The following CA10 variants were observed in gnomAD, a reference collection of about 807,000 sequenced individuals.
CA10 encodes carbonic anhydrase 10 (inactive), also known as carbonic anhydrase-related protein 10.
CA10 carries 14 observed loss-of-function variants against 44.2 expected under a neutral mutation model. That is an observed-to-expected ratio of 0.32 (90% confidence interval 0.21 to 0.50). The LOEUF is 0.50. CA10 is among the 20% of genes least tolerant of loss of function. CA10 has a pLI of 0.99. For synonymous variants in CA10, 159 were observed against 141.6 expected, an observed-to-expected ratio of 1.12 and a Z score of -0.87; for missense variants, 350 against 409.7, an observed-to-expected ratio of 0.85 and a Z score of 1.26.
chr17:51,778,936 G>T (rs1168074797), intron 3 of CA10, among the ~76,000 whole-genome samples: 1 of 152,124 alleles, frequency 6.6e-6, no homozygotes, highest in Non-Finnish European at 1.5e-5. Flanking sequence ...AGGAACTCAG[G>T]CTTCTACCTC....
chr17:51,878,517 T>A (rs1476223364), intron 3 of CA10, among the ~76,000 whole-genome samples: 1 of 152,052 alleles, frequency 6.6e-6, no homozygotes, highest in African/African-American at 2.4e-5. Flanking sequence ...TTGAAATGTA[T>A]CCCTGGCTCT....
At chr17:52,127,583 GT>G (rs1484923827) in intron 1 of CA10, among the ~76,000 whole-genome samples, 2 of 152,152 alleles carry the variant, frequency 1.3e-5, no homozygotes, top group East Asian at 3.9e-4. Flanking sequence ...AAGCATCTCT[GT>G]GGTATTCTAG....
chr17:51,805,289 T>C (rs1323593314), intron 3 of CA10, among the ~76,000 whole-genome samples: 2 of 152,222 alleles, frequency 1.3e-5, no homozygotes, highest in Admixed American at 1.3e-4. Context: ...GCAGCTACTG[T>C]GTGCTAGCGA....
chr17:51,910,231 C>T (rs1010645088), intron 3 of CA10, among the ~76,000 whole-genome samples: 9 of 152,070 alleles, frequency 5.9e-5, no homozygotes, highest in Admixed American at 1.3e-4. Context: ...CCCCCTTGAT[C>T]CTGCCCTTAA....
chr17:51,831,707 A>AGCGGCG (rs1567854624), intron 3 of CA10, among the ~76,000 whole-genome samples: 3 of 98,206 alleles, frequency 3.1e-5, no homozygotes, highest in Non-Finnish European at 4.8e-5. Flanking sequence ...CAGCAGCAGC[A>AGCGGCG]GCAGCAGCAG....
chr17:51,824,669 C>T (rs1907941312), intron 3 of CA10, among the ~76,000 whole-genome samples: 1 of 152,186 alleles, frequency 6.6e-6, no homozygotes, highest in South Asian at 2.1e-4. Context: ...TGACCCCAGC[C>T]CTGCACTCTA....
At chr17:51,642,803 C>A (rs1419141321) in intron 6 of CA10, among the ~76,000 whole-genome samples, 2 of 152,048 alleles carry the variant, frequency 1.3e-5, no homozygotes, top group African/African-American at 4.8e-5. Flanking sequence ...CCACCATGCC[C>A]AGCTAATTTT....
In CA10 at chr17:52,058,575, T is replaced by C. The variant is rs565496156; in HGVS notation, c.136+13744A>G. Among the ~76,000 whole-genome samples, 10 of 152,296 alleles carry C rather than the reference T, an allele frequency of 6.6e-5. No homozygotes were observed. The East Asian group carries it at 1.7e-3, about 26-fold the overall frequency. ...ATAATAGGGACTCTCATAAATGAAA[T>C]GATAAATAGGACTGCTTACTGGTTA... On this transcript the variant is annotated intron_variant, in intron 2 of 8. Transcript: ENST00000451037.
chr17:52,052,749 T>C (rs1987112761), intron 2 of CA10, among the ~76,000 whole-genome samples: 1 of 152,246 alleles, frequency 6.6e-6, no homozygotes, highest in Admixed American at 6.5e-5. Flanking sequence ...ACAAAAGTAC[T>C]CGGAGCAGAA....
chr17:52,158,080 A>G lies in CA10; in HGVS notation c.-294T>C, dbSNP rs1015781858. 2 of 516,660 alleles carry G rather than the reference A, an allele frequency of 3.9e-6. No homozygotes were observed. Among genetic ancestry groups the G allele is most frequent in the African/African-American group, 3.9e-5 (2 of 51,562 alleles). 32.0% of individuals were successfully genotyped at this position (516,660 alleles called of 1,614,324 possible). ...CTCGCGTGTCTCTTCTCTTCGCACC[A>G]GCGGCGGAAACCGCACTAGCAGCGG... is the stretch of plus-strand genomic sequence containing the variant. On this transcript the variant is annotated 5_prime_UTR_variant, in exon 1 of 9. Transcript: ENST00000451037.
At chr17:51,786,451 C>T (rs549563872) in intron 3 of CA10, among the ~76,000 whole-genome samples, 7 of 152,224 alleles carry the variant, frequency 4.6e-5, no homozygotes, top group East Asian at 3.9e-4. Context: ...ATTTGGGAGG[C>T]TGAAGTACAA....
At chr17:52,024,854 T>C (rs1470073717) in intron 2 of CA10, among the ~76,000 whole-genome samples, 1 of 152,014 alleles carries the variant, frequency 6.6e-6, no homozygotes, top group African/African-American at 2.4e-5. Flanking sequence ...GTGATAGTGA[T>C]AATAATTATT....
At chr17:51,864,283 A>C (rs1033114829) in intron 3 of CA10, among the ~76,000 whole-genome samples, 12 of 152,196 alleles carry the variant, frequency 7.9e-5, no homozygotes, top group African/African-American at 2.4e-4. Context: ...GATAATGATT[A>C]TGCACCCTAA....
At chr17:51,928,564 A>G (rs1038166772) in intron 3 of CA10, among the ~76,000 whole-genome samples, 1 of 152,164 alleles carries the variant, frequency 6.6e-6, no homozygotes, top group Non-Finnish European at 1.5e-5. Flanking sequence ...TGAACACCAG[A>G]AAGAATAATG....
chr17:51,670,524 A>G (rs1914378345), intron 4 of CA10, among the ~76,000 whole-genome samples: 1 of 151,630 alleles, frequency 6.6e-6, no homozygotes, highest in African/African-American at 2.4e-5. Context: ...TGGGACACCA[A>G]CTCATGCGTG....
chr17:51,649,999 A>AGCCG (rs1913501300), intron 5 of CA10, among the ~76,000 whole-genome samples: 1 of 152,050 alleles, frequency 6.6e-6, no homozygotes, highest in Non-Finnish European at 1.5e-5. Context: ...CCAGCCAGCC[A>AGCCG]GCCAGCCACC....
intron 2 of CA10, among the ~76,000 whole-genome samples, chr17:51,967,407 T>C (rs1598144637): frequency 6.6e-6 from 1 of 151,748 alleles, no homozygotes; most frequent in Middle Eastern, 3.4e-3. Context: ...ATTGTAGCAC[T>C]ATTCACAACA....
At chr17:51,950,306 C>T (rs893055765) in intron 2 of CA10, among the ~76,000 whole-genome samples, 10 of 152,276 alleles carry the variant, frequency 6.6e-5, no homozygotes, top group African/African-American at 2.4e-4. Context: ...CCTCTGTTTA[C>T]CTTGCAGACA....
chr17:51,880,770 A>G (rs1292519836), intron 3 of CA10, among the ~76,000 whole-genome samples: 1 of 152,194 alleles, frequency 6.6e-6, no homozygotes, highest in African/African-American at 2.4e-5. Context: ...ATAAGTAATG[A>G]AAGACTTACG....
Sources: gnomAD v4.1 joint callset for allele counts (sites outside exome capture counted in the v4.1 genomes callset) on GRCh38, gnomAD v4.1.1 for gene constraint, MANE v1.5 for transcripts, NCBI Gene and HGNC (gene_info 2026-07-23, HGNC 2026-07-21) for gene names.